NRBP2: variants seen among roughly 807,000 people sequenced by gnomAD.
NRBP2 encodes nuclear receptor-binding protein 2.
NRBP2 carries 47 observed loss-of-function variants against 74.4 expected under a neutral mutation model. The ratio of observed to expected loss-of-function variants is 0.63; its 90% CI spans 0.50 to 0.81. The LOEUF (loss-of-function observed/expected upper bound fraction) is 0.81, where lower values mean the gene tolerates loss of function less well. NRBP2 is among the 30% of genes least tolerant of loss of function. The pLI is 0.00. For missense variants in NRBP2, 613 were observed against 690.1 expected (o/e 0.89, Z 1.25); for synonymous variants, 312 against 273.8 (o/e 1.14, Z -1.38).
chr8:143,836,933 A>T, intron 14 of NRBP2, 106 bp downstream of exon 14: 1 of 1,299,048 alleles, frequency 7.7e-7, no homozygotes, highest in Non-Finnish European at 1.1e-6. Context: ...AGCCAGGAGG[A>T]GAGCTGGGCT....
At position 143,837,178 on chromosome 8, in the gene NRBP2, G is replaced by A. The variant is rs1818444140; in HGVS notation, c.1128-4C>T. The A allele has an allele frequency of 2.5e-6, 4 of 1,613,442 alleles. No homozygotes were observed. Among genetic ancestry groups the A allele is most frequent in the African/African-American group, 2.7e-5 (2 of 74,898 alleles). ...CATCAGTGGGTAGATTCCATTCCTG[G>A]GGACACAACAGGGTGGCTGGGGGTT... On this transcript the variant is annotated splice_polypyrimidine_tract_variant and splice_region_variant and intron_variant, in intron 13 of 17. Coordinates refer to ENST00000442628, the MANE Select transcript of NRBP2 (RefSeq NM_178564.4). This position sits in a 1 kb window ranked among gnomAD's most constrained non-coding sequence, Gnocchi z 4.3.
intron 14 of NRBP2, among the ~76,000 whole-genome samples, chr8:143,836,701 G>T (rs1288412100): frequency 1.4e-5 from 2 of 143,980 alleles, no homozygotes; most frequent in Non-Finnish European, 1.5e-5. Flanking sequence ...GGAGGGGTGG[G>T]GGGGGTGGGA....
In NRBP2 at chr8:143,835,757, C is replaced by T. The variant is rs551559090; in HGVS notation, c.1438-27G>A. 60 of 1,594,400 alleles carry T rather than the reference C, an allele frequency of 3.8e-5. No homozygotes were observed. Among genetic ancestry groups the T allele is most frequent in the East Asian group, 3.1e-4 (14 of 44,586 alleles). ...TGCGGAAGGAGGGAGGCATGGGGGA[C>T]GGAGGGGCGCGGCCTGCCCCGTGCG... On this transcript the variant is annotated intron_variant, in intron 17 of 17. Transcript: ENST00000442628. The surrounding 1 kb of genome is among the most constrained non-coding windows in gnomAD (Gnocchi z 4.9).
downstream of NRBP2, chr8:143,833,209 G>C (rs1351683161): frequency 3.3e-5 from 5 of 152,178 alleles, no homozygotes; most frequent in Admixed American, 3.3e-4. Flanking sequence ...GCTGTGACAG[G>C]ATGCTCATGC....
downstream of NRBP2, among the ~76,000 whole-genome samples, chr8:143,831,815 G>A (rs1439496813): frequency 1.3e-5 from 2 of 152,338 alleles, no homozygotes; most frequent in East Asian, 3.9e-4. Flanking sequence ...ATGGGGCAAA[G>A]AAAAAGAAGA....
At position 143,840,596 on chromosome 8, in the gene NRBP2, G is replaced by C. The variant is rs915428172; in HGVS notation, c.129+110C>G. 4 of 1,098,052 alleles carry C rather than the reference G, an allele frequency of 3.6e-6. No individual in the cohort carries two copies. Among genetic ancestry groups the C allele is most frequent in the Non-Finnish European group, 4.9e-6 (4 of 815,166 alleles). The allele number at this position is 1,098,052 out of a possible 1,614,324, so 68.0% of individuals were successfully genotyped here. On this transcript the variant is annotated intron_variant, in intron 1 of 17. Transcript: ENST00000442628. This position sits in a 1 kb window ranked among gnomAD's most constrained non-coding sequence, Gnocchi z 5.7. ...TTCGCGGGCCGCGAGGGGCCGCGGA[G>C]AGGTTTCCAGCCGCCGCGCTCTCCC...
chr8:143,839,299 C>A lies in NRBP2; in HGVS notation c.580+15G>T. The A allele has an allele frequency of 1.3e-6, 2 of 1,544,680 alleles. No individual in the cohort carries two copies. Among genetic ancestry groups the A allele is most frequent in the South Asian group, 1.2e-5 (1 of 84,674 alleles). ...CCCTGCCCCGTTCCCCCACCCAGCC[C>A]TGCCCCGCCAGCACCGGAGCCGATC... On this transcript the variant is annotated intron_variant, in intron 6 of 17. Coordinates refer to ENST00000442628, the MANE Select transcript of NRBP2 (RefSeq NM_178564.4). The surrounding 1 kb of genome is among the most constrained non-coding windows in gnomAD (Gnocchi z 5.1).
At position 143,836,004 on chromosome 8, in the gene NRBP2, G is replaced by C. The variant is rs1443974715; in HGVS notation, c.1344C>G (p.Asp448Glu). ...CGTAGGTCAGCTGCCGGTGCAGCCG[G>C]TCTTCCAGCACCAGAAGCAGAGTGA... ...WHLTLLLVLE[D>E]RLHRQLTYDL... Residue 448 changes from aspartate (D) to glutamate (E), a missense_variant, in exon 16 of 18, where the codon GAC becomes GAG. Around this residue, in one of 2 missense-constraint regions of NRBP2, gnomAD observed 281 missense variants for 260.9 expected, o/e 1.08. Transcript: ENST00000442628. The C allele has an allele frequency of 3.8e-6, 6 of 1,577,522 alleles. No homozygotes were observed. The highest frequency in any genetic ancestry group is 5.2e-6 in the Non-Finnish European group (6 of 1,161,832).
In NRBP2 at chr8:143,839,033, G is replaced by A. The variant is rs1160994355; in HGVS notation, c.672C>T (p.Phe224=). The change falls in exon 8 of 18, where the codon TTC becomes TTT. Residue 224 remains phenylalanine, a synonymous_variant. Coordinates refer to ENST00000442628, the MANE Select transcript of NRBP2 (RefSeq NM_178564.4). This position sits in a 1 kb window ranked among gnomAD's most constrained non-coding sequence, Gnocchi z 5.1. ...ACCACTCACCTCCATACTCTGGGGG[G>A]AAGAAGTGCAGGTTCCGAAGTTCCT... ...EREELRNLHF[F]PPEYGEVADG... is the part of the protein sequence containing the mutation. 2.7e-5 allele frequency: 41 copies of A among 1,543,410 alleles called. No individual in the cohort carries two copies. Among genetic ancestry groups the A allele is most frequent in the Middle Eastern group, 1.7e-4 (1 of 6,006 alleles).
Position 143,839,050 on chromosome 8 carries a change from G to C in NRBP2, c.655C>G (p.Arg219Gly). 6.5e-7 allele frequency: 1 copy of C among 1,539,308 alleles called. No homozygotes were observed. Among genetic ancestry groups the C allele is most frequent in the Non-Finnish European group, 8.7e-7 (1 of 1,145,394 alleles). The change falls in exon 8 of 18, where the codon CGG becomes GGG. Residue 219 changes from arginine to glycine, a missense_variant. By Grantham distance (125) the Arg-to-Gly change is moderately radical. This residue lies in a region of NRBP2 where 332 missense variants were observed against 429.2 expected (regional missense o/e 0.77). Transcript: ENST00000442628. The surrounding 1 kb of genome is among the most constrained non-coding windows in gnomAD (Gnocchi z 5.1). Reference sequence around the variant, plus strand: ...TCTGGGGGGAAGAAGTGCAGGTTCCGAAGTTCCTCTCGCTCAGCGCGGATG... The same window carrying C: ...TCTGGGGGGAAGAAGTGCAGGTTCCCAAGTTCCTCTCGCTCAGCGCGGATG... The part of the protein sequence containing the change: ...SPIRAEREEL[R>G]NLHFFPPEYG...
Position 143,835,721 on chromosome 8 carries a change from T to G in NRBP2, c.1447A>C (p.Met483Leu). ...CTCTCCAGGAAGGCGGCCAGCTTCA[T>G]CCGGTCGTCCTGCGGAAGGAGGGAG... ...HYGFLHEDDR[M>L]KLAAFLESTF... Residue 483 changes from methionine to leucine, a missense_variant, in exon 18 of 18, where the codon ATG becomes CTG. This residue lies in a region of NRBP2 where 281 missense variants were observed against 260.9 expected (regional missense o/e 1.08). Coordinates refer to ENST00000442628, the MANE Select transcript of NRBP2 (RefSeq NM_178564.4). This position sits in a 1 kb window ranked among gnomAD's most constrained non-coding sequence, Gnocchi z 4.9. 1 of 1,600,024 alleles carries G rather than the reference T, an allele frequency of 6.2e-7. No homozygotes were observed. The highest frequency in any genetic ancestry group is 8.5e-7 in the Non-Finnish European group (1 of 1,174,546).
In NRBP2 at chr8:143,840,644, C is replaced by T; in HGVS notation, c.129+62G>A. ...CCCAGCGCCCCCACGCCCCGCGCAGCCTCCAGGCCCCTCCCGCTCTGGGAG... is the reference window on the plus strand; with the variant it reads ...CCCAGCGCCCCCACGCCCCGCGCAGTCTCCAGGCCCCTCCCGCTCTGGGAG... On this transcript the variant is annotated intron_variant, in intron 1 of 17. Transcript: ENST00000442628. The surrounding 1 kb of genome is among the most constrained non-coding windows in gnomAD (Gnocchi z 5.7). The T allele has an allele frequency of 4.5e-6, 6 of 1,346,370 alleles. No homozygotes were observed. The highest frequency in any genetic ancestry group is 4.8e-6 in the Non-Finnish European group (5 of 1,036,140). 83.4% of individuals were successfully genotyped at this position (1,346,370 alleles called of 1,614,324 possible).
rs577212864 is a variant in NRBP2, at chr8:143,837,901, G to A, written c.841-146C>T. 3.7e-5 allele frequency: 36 copies of A among 972,224 alleles called. No individual in the cohort carries two copies. In the South Asian group the frequency reaches 5.0e-4, roughly 13 times the overall value. 60.2% of individuals were successfully genotyped at this position (972,224 alleles called of 1,614,324 possible). ...GGGATGCCCATAGGGAGGAGTCCCA[G>A]CAGCAGCAGCCAGGCCAGGACCTGG... is the stretch of plus-strand genomic sequence containing the variant. On this transcript the variant is annotated intron_variant, in intron 10 of 17. Transcript: ENST00000442628. This position sits in a 1 kb window ranked among gnomAD's most constrained non-coding sequence, Gnocchi z 4.3.
In NRBP2 at chr8:143,840,235, G is replaced by T. The variant is rs1388302753; in HGVS notation, c.130-6C>A. The T allele has an allele frequency of 1.0e-5, 16 of 1,535,804 alleles. No individual in the cohort carries two copies. The highest frequency in any genetic ancestry group is 1.2e-5 in the Non-Finnish European group (14 of 1,146,812). On this transcript the variant is annotated splice_polypyrimidine_tract_variant and splice_region_variant and intron_variant, in intron 1 of 17. Coordinates refer to ENST00000442628, the MANE Select transcript of NRBP2 (RefSeq NM_178564.4). This position sits in a 1 kb window ranked among gnomAD's most constrained non-coding sequence, Gnocchi z 5.7. ...GGCATGTTCCCTTGGTTTACCTGGG[G>T]GTGAATAAAGGGTTATGTGTGCCCT...
chr8:143,831,032 A>G (rs1772920550), downstream of NRBP2, among the ~76,000 whole-genome samples: 2 of 152,172 alleles, frequency 1.3e-5, no homozygotes, highest in Admixed American at 6.5e-5. Flanking sequence ...AGGCCTCCAC[A>G]ATGGAGGGGG....
At chr8:143,832,940 G>A (rs1367027852), downstream of NRBP2, among the ~76,000 whole-genome samples, 1 of 152,128 alleles carries the variant, frequency 6.6e-6, no homozygotes. Context: ...AGGTGTGGAG[G>A]GGCAACCCAC....
Position 143,839,433 on chromosome 8 carries a change from TAGGAGG to T in NRBP2, c.486-31_486-26del, listed in dbSNP as rs1229408947. 1 of 1,537,110 alleles carries T rather than the reference TAGGAGG, an allele frequency of 6.5e-7. No individual in the cohort carries two copies. Among genetic ancestry groups the T allele is most frequent in the African/African-American group, 1.4e-5 (1 of 71,048 alleles). On this transcript the variant is annotated intron_variant, in intron 5 of 17. Coordinates refer to ENST00000442628, the MANE Select transcript of NRBP2 (RefSeq NM_178564.4). The surrounding 1 kb of genome is among the most constrained non-coding windows in gnomAD (Gnocchi z 5.1). ...GCTGCAGACGTTGGGGAGGGGAGAG[TAGGAGG>T]AGCCGGTCAGGAGGCTCTGGAGAGA... is the stretch of plus-strand genomic sequence containing the variant.
In NRBP2 at chr8:143,839,579, G is replaced by A. The variant is rs1231482501; in HGVS notation, c.445-30C>T. On this transcript the variant is annotated intron_variant, in intron 4 of 17. Coordinates refer to ENST00000442628, the MANE Select transcript of NRBP2 (RefSeq NM_178564.4). The surrounding 1 kb of genome is among the most constrained non-coding windows in gnomAD (Gnocchi z 5.1). ...CGGCGGACGCACGACTCCGTCGGTC[G>A]GGTGGGCGCAGGAGAGGCGGCTGGG... 14 of 1,525,702 alleles carry A rather than the reference G, an allele frequency of 9.2e-6. No homozygotes were observed. Among genetic ancestry groups the A allele is most frequent in the African/African-American group, 1.4e-5 (1 of 72,694 alleles). The allele number at this position is 1,525,702 out of a possible 1,614,324, so 94.5% of individuals were successfully genotyped here.
Position 143,838,717 on chromosome 8 carries a change from G to A in NRBP2, c.803C>T (p.Ala268Val), listed in dbSNP as rs1554652575. Residue 268 changes from alanine (A) to valine (V), a missense_variant, in exon 10 of 18, where the codon GCT (alanine) becomes GTT (valine). Ala to Val is a moderately conservative substitution (Grantham distance 64, BLOSUM62 0). Coordinates refer to ENST00000442628, the MANE Select transcript of NRBP2 (RefSeq NM_178564.4). ...GTCACTCAGCGAGTGCCTGGCGCGAGCAATGGCCTCCTCTGTGACCCGGGT... is the reference window on the plus strand; with the variant it reads ...GTCACTCAGCGAGTGCCTGGCGCGAACAATGGCCTCCTCTGTGACCCGGGT... Reference protein sequence around the residue: ...GDTRVTEEAIARARHSLSDPN... With the variant: ...GDTRVTEEAIVRARHSLSDPN... 3.7e-6 allele frequency: 6 copies of A among 1,612,798 alleles called. No individual in the cohort carries two copies. The highest frequency in any genetic ancestry group is 5.1e-6 in the Non-Finnish European group (6 of 1,179,502).
Sources: gnomAD v4.1 joint callset for allele counts (sites outside exome capture counted in the v4.1 genomes callset) on GRCh38, gnomAD v4.1.1 for gene constraint, gnomAD v4.1.1 regional missense constraint, Gnocchi (gnomAD v3.1) non-coding constraint, MANE v1.5 for transcripts, NCBI Gene and HGNC (gene_info 2026-07-23, HGNC 2026-07-21) for gene names.